Variants in ZNF385B observed in about 807,000 individuals in gnomAD.
The protein encoded by ZNF385B is zinc finger protein 533.
A neutral mutation model predicts 39.2 loss-of-function variants in ZNF385B; 23 were observed. The ratio of observed to expected loss-of-function variants is 0.59; its 90% CI spans 0.42 to 0.83. ZNF385B has a LOEUF of 0.83. Among genes scored for constraint, ZNF385B ranks in the 40% least tolerant of loss-of-function variants. ZNF385B has a pLI of 0.00. For missense variants in ZNF385B, 552 were observed against 598.9 expected, an observed-to-expected ratio of 0.92 and a Z score of 0.82; for synonymous variants, 205 against 222.6, an observed-to-expected ratio of 0.92 and a Z score of 0.70.
chr2:179,508,110 C>T (rs530995815), intron 5 of ZNF385B, among the ~76,000 whole-genome samples: 19 of 152,192 alleles, frequency 1.2e-4, no homozygotes, highest in South Asian at 6.2e-4. Flanking sequence ...CATTCAGCTT[C>T]ACTTTTGTTT....
At chr2:179,453,003 TTACTC>T (rs1015549262) in intron 6 of ZNF385B, among the ~76,000 whole-genome samples, 5 of 152,274 alleles carry the variant, frequency 3.3e-5, no homozygotes, top group South Asian at 2.1e-4. Context: ...TTGGTATACA[TTACTC>T]TACACTATTT....
Position 179,550,868 on chromosome 2 carries a change from C to T in ZNF385B, c.299-5899G>A, listed in dbSNP as rs981769381. 1.4e-4 allele frequency among the ~76,000 whole-genome samples: 19 copies of T among 139,026 alleles called. 1 individual carries two copies. Among genetic ancestry groups the T allele is most frequent in the African/African-American group, 4.4e-4 (15 of 34,196 alleles). The allele number at this position is 139,026 out of a possible 152,430, so 91.2% of individuals were successfully genotyped here. On this transcript the variant is annotated intron_variant, in intron 3 of 9. Coordinates refer to ENST00000410066, the MANE Select transcript of ZNF385B (RefSeq NM_152520.6). ...CCTGAAAGTCAGCAGGAGTTACAAG[C>T]GGAAATTTGGCCAAAATGCATTGCA...
chr2:179,708,091 A>C (rs764387030), intron 3 of ZNF385B, among the ~76,000 whole-genome samples: 5 of 152,238 alleles, frequency 3.3e-5, no homozygotes, highest in Non-Finnish European at 7.3e-5. Context: ...CAGATTGTGC[A>C]TGCCCTTACT....
Position 179,499,238 on chromosome 2 carries a change from A to G in ZNF385B, c.553-15804T>C, listed in dbSNP as rs193216519. 1.4e-3 allele frequency among the ~76,000 whole-genome samples: 213 copies of G among 152,110 alleles called. 1 individual carries two copies. The highest frequency in any genetic ancestry group is 4.9e-3 in the African/African-American group (202 of 41,572). ...GCTTCACTAATAGATTCTACCAAAC[A>G]TTGAAAGAACTAATATTAATCCTAC... On this transcript the variant is annotated intron_variant, in intron 5 of 9. Coordinates refer to ENST00000410066, the MANE Select transcript of ZNF385B (RefSeq NM_152520.6).
Position 179,513,859 on chromosome 2 carries a change from G to A in ZNF385B, c.552+4669C>T, listed in dbSNP as rs1574539736. On this transcript the variant is annotated intron_variant, in intron 5 of 9. Coordinates refer to ENST00000410066, the MANE Select transcript of ZNF385B (RefSeq NM_152520.6). Reference sequence around the variant, plus strand: ...TTTGTGAGGCAACATAATATAATAGGAAGAGCTGTGGATTTAGAGGCAAGA... The same window carrying A: ...TTTGTGAGGCAACATAATATAATAGAAAGAGCTGTGGATTTAGAGGCAAGA... Among the ~76,000 whole-genome samples the A allele has an allele frequency of 2.0e-5, 3 of 152,132 alleles. No individual in the cohort carries two copies. In the East Asian group the frequency reaches 5.8e-4, roughly 29 times the overall value.
intron 3 of ZNF385B, among the ~76,000 whole-genome samples, chr2:179,683,275 A>C (rs1697668230): frequency 6.6e-6 from 1 of 151,866 alleles, no homozygotes; most frequent in South Asian, 2.1e-4. Flanking sequence ...CTGTAATCGC[A>C]GCTACTCAGG....
Position 179,543,587 on chromosome 2 carries a change from A to G in ZNF385B, c.441+1240T>C, listed in dbSNP as rs373370468. Among the ~76,000 whole-genome samples the G allele has an allele frequency of 7.2e-5, 11 of 152,194 alleles. No homozygotes were observed. In the East Asian group the frequency reaches 2.1e-3, roughly 29 times the overall value. Reference sequence around the variant, plus strand: ...TGGTGTTCTGGGATGCAGCGGGTGGATCAATGAAACCAAGGCAGGCATGAT... The same window carrying G: ...TGGTGTTCTGGGATGCAGCGGGTGGGTCAATGAAACCAAGGCAGGCATGAT... On this transcript the variant is annotated intron_variant, in intron 4 of 9. Transcript: ENST00000410066.
intron 5 of ZNF385B, among the ~76,000 whole-genome samples, chr2:179,501,916 T>C (rs551160112): frequency 3.3e-4 from 50 of 152,196 alleles, no homozygotes; most frequent in Non-Finnish European, 4.4e-4. Flanking sequence ...TTTATATGAA[T>C]GAACAATAAT....
chr2:179,668,962 A>C (rs1293020930), intron 3 of ZNF385B, among the ~76,000 whole-genome samples: 1 of 152,198 alleles, frequency 6.6e-6, no homozygotes, highest in Admixed American at 6.5e-5. Flanking sequence ...GAAAGCTTAA[A>C]AAGTATAGTA....
At chr2:179,578,224 T>C (rs1157107478) in intron 3 of ZNF385B, among the ~76,000 whole-genome samples, 6 of 152,164 alleles carry the variant, frequency 3.9e-5, no homozygotes, top group Admixed American at 2.0e-4. Flanking sequence ...GCATCTACTA[T>C]GAACCAGTGC....
intron 6 of ZNF385B, among the ~76,000 whole-genome samples, chr2:179,459,527 GT>G (rs2051062705): frequency 6.6e-6 from 1 of 151,672 alleles, no homozygotes; most frequent in South Asian, 2.1e-4. Context: ...GAAGTTAGCA[GT>G]AAAAATACCA....
intron 1 of ZNF385B, among the ~76,000 whole-genome samples, chr2:179,855,261 ATC>A (rs764468463): frequency 6.6e-6 from 1 of 152,238 alleles, no homozygotes; most frequent in Non-Finnish European, 1.5e-5. Flanking sequence ...AGCACAGGAT[ATC>A]TCTCTCTGTG....
intron 3 of ZNF385B, among the ~76,000 whole-genome samples, chr2:179,713,989 A>T (rs1700165286): frequency 6.6e-6 from 1 of 152,224 alleles, no homozygotes; most frequent in African/African-American, 2.4e-5. Context: ...AATACTTATC[A>T]TGTCAGGAAA....
chr2:179,817,587 T>C (rs1338744280), intron 1 of ZNF385B, among the ~76,000 whole-genome samples: 4 of 151,982 alleles, frequency 2.6e-5, no homozygotes, highest in Non-Finnish European at 5.9e-5. Context: ...AAGTCAGAGG[T>C]CAGCAACAAA....
chr2:179,720,750 A>C (rs942536219), intron 3 of ZNF385B, among the ~76,000 whole-genome samples: 1 of 152,020 alleles, frequency 6.6e-6, no homozygotes, highest in Non-Finnish European at 1.5e-5. Flanking sequence ...AGAAAATACC[A>C]AAGAACCTTT....
intron 3 of ZNF385B, among the ~76,000 whole-genome samples, chr2:179,624,781 C>A (rs887670979): frequency 1.3e-5 from 2 of 152,126 alleles, no homozygotes; most frequent in Non-Finnish European, 2.9e-5. Flanking sequence ...AGGATATTGA[C>A]CAGAACCCCT....
intron 6 of ZNF385B, 149 bp downstream of exon 6, chr2:179,483,123 C>T (rs2054180093): frequency 2.3e-6 from 2 of 855,564 alleles, no homozygotes; most frequent in Admixed American, 2.7e-5. Context: ...TCTGTGCAAA[C>T]ATATAATCCT....
intron 4 of ZNF385B, 48 bp downstream of exon 4, chr2:179,544,779 G>A (rs2060123591): frequency 1.2e-6 from 2 of 1,610,038 alleles, no homozygotes; most frequent in African/African-American, 2.7e-5. Flanking sequence ...CAAATGTAAT[G>A]AAATTGATGG....
intron 3 of ZNF385B, among the ~76,000 whole-genome samples, chr2:179,629,381 C>A (rs1690972705): frequency 6.6e-6 from 1 of 152,146 alleles, no homozygotes; most frequent in South Asian, 2.1e-4. Flanking sequence ...TTACTCATAA[C>A]CTAACATTTT....
Sources: allele counts gnomAD v4.1 joint callset (sites outside exome capture counted in the v4.1 genomes callset), GRCh38; gene constraint gnomAD v4.1.1; transcripts MANE v1.5; gene names NCBI Gene and HGNC (gene_info 2026-07-23, HGNC 2026-07-21).